ANGPT1: variants seen among roughly 807,000 people sequenced by gnomAD.
The protein encoded by ANGPT1 is angiopoietin 1, also known as angiopoietin-1.
In ANGPT1, 17 loss-of-function variants were observed where a neutral mutation model predicts 62.2. The ratio of observed to expected loss-of-function variants is 0.27; its 90% CI spans 0.19 to 0.41. The LOEUF is 0.41. Ranked by LOEUF, ANGPT1 falls within the 10% of genes least tolerant of loss-of-function variation. The pLI, the probability that ANGPT1 is intolerant of heterozygous loss-of-function variation, is 1.00. For synonymous variants in ANGPT1, 199 were observed against 198.9 expected (o/e 1.00, Z 0.00); for missense variants, 478 against 594.9 (o/e 0.80, Z 2.04).
chr8:107,369,212 T>A (rs1053855815), intron 1 of ANGPT1, among the ~76,000 whole-genome samples: 1 of 152,184 alleles, frequency 6.6e-6, no homozygotes, highest in Non-Finnish European at 1.5e-5. Context: ...CCTTTTATGT[T>A]ATGAAAATGG....
chr8:107,458,514 T>A (rs1322873215), intron 1 of ANGPT1, among the ~76,000 whole-genome samples: 1 of 152,116 alleles, frequency 6.6e-6, no homozygotes, highest in African/African-American at 2.4e-5. Flanking sequence ...AAAAAATAAT[T>A]TAAAATATTT....
intron 1 of ANGPT1, among the ~76,000 whole-genome samples, chr8:107,444,583 C>G (rs1811564940): frequency 6.6e-6 from 1 of 152,110 alleles, no homozygotes; most frequent in African/African-American, 2.4e-5. Flanking sequence ...ATAATAATGT[C>G]TAGAAAAATC....
intron 1 of ANGPT1, among the ~76,000 whole-genome samples, chr8:107,439,048 A>G (rs1402381311): frequency 6.6e-6 from 1 of 152,204 alleles, no homozygotes; most frequent in Non-Finnish European, 1.5e-5. Flanking sequence ...AGTGTTTACA[A>G]TCTAATATAC....
intron 1 of ANGPT1, among the ~76,000 whole-genome samples, chr8:107,424,876 T>TA (rs1377780067): frequency 6.6e-6 from 1 of 152,212 alleles, no homozygotes; most frequent in Non-Finnish European, 1.5e-5. Flanking sequence ...ATTCTTTTTT[T>TA]AAAAAAATAT....
At chr8:107,462,293 C>A (rs1766884029) in intron 1 of ANGPT1, among the ~76,000 whole-genome samples, 1 of 151,814 alleles carries the variant, frequency 6.6e-6, no homozygotes, top group Non-Finnish European at 1.5e-5. Context: ...GAGGACTTCT[C>A]ACTGCCATCT....
intron 1 of ANGPT1, among the ~76,000 whole-genome samples, chr8:107,465,104 A>G (rs1174155650): frequency 6.6e-6 from 1 of 152,118 alleles, no homozygotes; most frequent in Non-Finnish European, 1.5e-5. Context: ...TTGAGTTGGA[A>G]TGGAAAGATT....
intron 1 of ANGPT1, among the ~76,000 whole-genome samples, chr8:107,413,277 C>A (rs1043664311): frequency 1.3e-5 from 2 of 152,156 alleles, no homozygotes; most frequent in South Asian, 4.1e-4. Flanking sequence ...CGTGTTAACT[C>A]TTCTTCCTGG....
At chr8:107,341,234 C>A (rs1298174883) in intron 2 of ANGPT1, among the ~76,000 whole-genome samples, 1 of 152,180 alleles carries the variant, frequency 6.6e-6, no homozygotes, top group East Asian at 1.9e-4. Flanking sequence ...ATATTCCATT[C>A]AACCTAAACC....
chr8:107,347,728 G>A (rs1815836248), intron 1 of ANGPT1, among the ~76,000 whole-genome samples: 1 of 152,136 alleles, frequency 6.6e-6, no homozygotes, highest in Non-Finnish European at 1.5e-5. Flanking sequence ...GAGCTGCAAA[G>A]CCTGAGAGCT....
intron 8 of ANGPT1, among the ~76,000 whole-genome samples, chr8:107,254,621 G>C (rs974099125): frequency 1.3e-5 from 2 of 152,106 alleles, no homozygotes; most frequent in African/African-American, 4.8e-5. Context: ...GCCCCAAGAA[G>C]ATGGGAAAAG....
At chr8:107,313,326 C>A (rs1005717357) in intron 4 of ANGPT1, among the ~76,000 whole-genome samples, 1 of 150,346 alleles carries the variant, frequency 6.7e-6, no homozygotes, top group Non-Finnish European at 1.5e-5. Context: ...CAAACTAGCA[C>A]AAGCATGAGA....
chr8:107,385,563 A>G (rs377244360), intron 1 of ANGPT1, among the ~76,000 whole-genome samples: 1 of 152,246 alleles, frequency 6.6e-6, no homozygotes, highest in African/African-American at 2.4e-5. Flanking sequence ...GTGTAGTATC[A>G]TATCATCTGC....
At chr8:107,337,715 A>G (rs1225432652) in intron 2 of ANGPT1, among the ~76,000 whole-genome samples, 1 of 152,226 alleles carries the variant, frequency 6.6e-6, no homozygotes, top group Non-Finnish European at 1.5e-5. Context: ...GTTCCTCTAC[A>G]AATGATGCCA....
In ANGPT1 at chr8:107,288,092, A is replaced by G. The variant is rs561126204; in HGVS notation, c.1039-3244T>C. Among the ~76,000 whole-genome samples the G allele has an allele frequency of 1.1e-3, 166 of 152,302 alleles. 2 individuals carry two copies. Among genetic ancestry groups the G allele is most frequent in the Non-Finnish European group, 1.8e-3 (122 of 68,022 alleles). ...TAATCTTGGGTCTTGTATTAGCCCA[A>G]AAATTAATAAAGGGATACTGAAATA... On this transcript the variant is annotated intron_variant, in intron 6 of 8. Transcript: ENST00000517746.
At chr8:107,272,795 C>A (rs1016776441) in intron 7 of ANGPT1, among the ~76,000 whole-genome samples, 5 of 149,926 alleles carry the variant, frequency 3.3e-5, no homozygotes, top group African/African-American at 1.2e-4. Context: ...GAAATATTTC[C>A]CAAATTTCAG....
chr8:107,363,846 A>C (rs891719046), intron 1 of ANGPT1, among the ~76,000 whole-genome samples: 5 of 152,136 alleles, frequency 3.3e-5, no homozygotes, highest in African/African-American at 1.2e-4. Flanking sequence ...CCACTTAACT[A>C]CTCTAAGCCT....
chr8:107,467,319 T>C (rs199639771), intron 1 of ANGPT1, among the ~76,000 whole-genome samples: 3 of 134,168 alleles, frequency 2.2e-5, no homozygotes, highest in East Asian at 4.8e-4. Flanking sequence ...TATTTATTCA[T>C]ATATATATAT....
rs41441355 is a variant in ANGPT1 at position 107,497,234 on chromosome 8, C to T, written c.297+28G>A. On this transcript the variant is annotated intron_variant, in intron 1 of 8. Coordinates refer to ENST00000517746, the MANE Select transcript of ANGPT1 (RefSeq NM_001146.5). The stretch of plus-strand genomic sequence containing the variant: ...GTGCAAGAAAGGAAAAAGGTCCGTG[C>T]TATTAGAAACTGAAAGCAATCACTT... The T allele has an allele frequency of 1.3e-4, 202 of 1,606,270 alleles. No individual in the cohort carries two copies. The African/African-American group carries it at 2.4e-3, about 19-fold the overall frequency.
chr8:107,408,238 T>G (rs1302492922), intron 1 of ANGPT1, among the ~76,000 whole-genome samples: 1 of 152,326 alleles, frequency 6.6e-6, no homozygotes, highest in East Asian at 1.9e-4. Context: ...TTCTAAATGT[T>G]TGCTATTTTA....
Sources: allele counts gnomAD v4.1 joint callset (sites outside exome capture counted in the v4.1 genomes callset), GRCh38; gene constraint gnomAD v4.1.1; transcripts MANE v1.5; gene names NCBI Gene and HGNC (gene_info 2026-07-23, HGNC 2026-07-21).